Variants in HAPLN1 observed in about 807,000 individuals in gnomAD.
HAPLN1 encodes the protein hyaluronan and proteoglycan link protein 1, also known as Cartilage link protein.
In HAPLN1, 13 loss-of-function variants were observed where a neutral mutation model predicts 36.5. The ratio of observed to expected loss-of-function variants is 0.36; its 90% CI spans 0.23 to 0.57. HAPLN1 has a LOEUF of 0.57. Ranked by LOEUF, HAPLN1 falls within the 20% of genes least tolerant of loss-of-function variation. The pLI is 0.83. For missense variants in HAPLN1, 407 were observed against 439.7 expected (o/e 0.93, Z 0.66); for synonymous variants, 202 against 169.8 (o/e 1.19, Z -1.48).
intron 1 of HAPLN1, among the ~76,000 whole-genome samples, chr5:83,693,238 G>C (rs1242811503): frequency 6.6e-6 from 1 of 151,796 alleles, no homozygotes; most frequent in East Asian, 1.9e-4. Context: ...ATATGAGCAG[G>C]ACTACTGTAG....
chr5:83,693,349 C>T (rs546074087), intron 1 of HAPLN1, among the ~76,000 whole-genome samples: 14 of 151,488 alleles, frequency 9.2e-5, no homozygotes, highest in African/African-American at 3.1e-4. Flanking sequence ...ACTAATAAAC[C>T]GACAAAGGAG....
At chr5:83,681,721 G>A (rs10069485) in intron 1 of HAPLN1, among the ~76,000 whole-genome samples, 42,799 of 151,822 alleles carry the variant, frequency 0.28, 6,618 homozygotes, top group East Asian at 0.41. Flanking sequence ...ATTTGCCCAC[G>A]CTATACATCA....
intron 1 of HAPLN1, among the ~76,000 whole-genome samples, chr5:83,697,449 G>A (rs544086009): frequency 2.6e-5 from 4 of 152,184 alleles, no homozygotes; most frequent in African/African-American, 9.6e-5. Flanking sequence ...TCAGTTGATG[G>A]ACAATTGAGT....
At chr5:83,665,301 T>C (rs1039026709) in intron 2 of HAPLN1, among the ~76,000 whole-genome samples, 4 of 152,202 alleles carry the variant, frequency 2.6e-5, no homozygotes, top group Non-Finnish European at 4.4e-5. Flanking sequence ...AAAGAAAATA[T>C]ATTCGTGTCA....
intron 1 of HAPLN1, among the ~76,000 whole-genome samples, chr5:83,675,584 A>G (rs1750840829): frequency 6.6e-6 from 1 of 152,200 alleles, no homozygotes; most frequent in South Asian, 2.1e-4. Flanking sequence ...ACATCTATCT[A>G]TGTATCTCCT....
intron 4 of HAPLN1, among the ~76,000 whole-genome samples, chr5:83,642,224 G>A (rs1749723164): frequency 6.6e-6 from 1 of 151,948 alleles, no homozygotes. Flanking sequence ...TGACATAAAA[G>A]TCCATTTAAA....
chr5:83,665,711 G>A (rs1169948320), intron 2 of HAPLN1, among the ~76,000 whole-genome samples: 2 of 152,072 alleles, frequency 1.3e-5, no homozygotes, highest in African/African-American at 4.8e-5. Context: ...CAAAATGTCT[G>A]TTTTTCTTTT....
chr5:83,647,000 A>G lies in HAPLN1; in HGVS notation c.473-2335T>C, dbSNP rs564701331. Among the ~76,000 whole-genome samples, 6 of 152,368 alleles carry G rather than the reference A, an allele frequency of 3.9e-5. No individual in the cohort carries two copies. In the East Asian group the frequency reaches 9.6e-4, roughly 25 times the overall value. On this transcript the variant is annotated intron_variant, in intron 3 of 4. Transcript: ENST00000274341. The stretch of plus-strand genomic sequence containing the variant: ...TTCCAAAATGGCTGAAGATGGTAAC[A>G]TTGGAGAATGCAGAATATTTTAATT...
At chr5:83,712,990 C>T (rs1052156257) in intron 1 of HAPLN1, among the ~76,000 whole-genome samples, 12 of 151,282 alleles carry the variant, frequency 7.9e-5, no homozygotes, top group East Asian at 3.9e-4. Flanking sequence ...AATTAGAAAA[C>T]GAATTATAAA....
At chr5:83,669,147 T>C (rs1306368747) in intron 2 of HAPLN1, among the ~76,000 whole-genome samples, 1 of 152,198 alleles carries the variant, frequency 6.6e-6, no homozygotes, top group Non-Finnish European at 1.5e-5. Flanking sequence ...GGGAAAATAT[T>C]ACTTATGTTT....
intron 2 of HAPLN1, among the ~76,000 whole-genome samples, chr5:83,669,320 A>T (rs1277596055): frequency 2.0e-5 from 3 of 152,020 alleles, no homozygotes; most frequent in Non-Finnish European, 4.4e-5. Context: ...CCAACATTGC[A>T]AAACCCCGCT....
intron 1 of HAPLN1, among the ~76,000 whole-genome samples, chr5:83,687,609 A>G (rs2112615937): frequency 6.6e-6 from 1 of 152,344 alleles, no homozygotes; most frequent in Non-Finnish European, 1.5e-5. Flanking sequence ...TTTGCTAATT[A>G]AAATGCAACT....
At chr5:83,699,426 C>G (rs1751458421) in intron 1 of HAPLN1, among the ~76,000 whole-genome samples, 1 of 152,154 alleles carries the variant, frequency 6.6e-6, no homozygotes. Context: ...TTACTTCTAG[C>G]AGAAATCTTG....
intron 1 of HAPLN1, among the ~76,000 whole-genome samples, chr5:83,681,417 G>T (rs540964675): frequency 3.7e-4 from 57 of 152,218 alleles, no homozygotes; most frequent in Admixed American, 1.2e-3. Context: ...CTATCTCATT[G>T]TTTCTTATCA....
chr5:83,683,326 T>C (rs979029676), intron 1 of HAPLN1, among the ~76,000 whole-genome samples: 2 of 152,194 alleles, frequency 1.3e-5, no homozygotes, highest in Non-Finnish European at 2.9e-5. Context: ...AATGTGATCA[T>C]GTTTTTGTGA....
At chr5:83,681,510 T>G (rs1401118950) in intron 1 of HAPLN1, among the ~76,000 whole-genome samples, 2 of 152,038 alleles carry the variant, frequency 1.3e-5, no homozygotes, top group Non-Finnish European at 2.9e-5. Flanking sequence ...TTTAATTAAT[T>G]AATTAATGAA....
In HAPLN1 at chr5:83,644,574, G is replaced by A. The variant is rs113269048; in HGVS notation, c.564C>T (p.Ile188=). 7.3e-5 allele frequency: 117 copies of A among 1,595,518 alleles called. No homozygotes were observed. The African/African-American group carries it at 8.1e-4, about 11-fold the overall frequency. The part of the protein sequence containing the change: ...QQACLDQDAV[I]ASFDQLYDAW... ...CGTCGTACAGCTGGTCGAAGGAGGC[G>A]ATCACAGCATCCTGGTCCAGACACG... is the stretch of plus-strand genomic sequence containing the variant. The change falls in exon 4 of 5, where the codon ATC becomes ATT. Residue 188 remains isoleucine (I), a synonymous_variant. Transcript: ENST00000274341.
intron 2 of HAPLN1, among the ~76,000 whole-genome samples, chr5:83,665,450 AAAGCAGGGAGGG>A (rs1183298357): frequency 2.0e-5 from 3 of 152,206 alleles, no homozygotes. Flanking sequence ...GGAACAAGCT[AAAGCAGGGAGGG>A]AAGCAGCATT....
chr5:83,654,711 T>G (rs1159761551), intron 2 of HAPLN1, among the ~76,000 whole-genome samples: 1 of 152,198 alleles, frequency 6.6e-6, no homozygotes, highest in African/African-American at 2.4e-5. Context: ...TTCTTTCAGT[T>G]GTTTAGTTCA....
Sources: allele counts gnomAD v4.1 joint callset (sites outside exome capture counted in the v4.1 genomes callset), GRCh38; gene constraint gnomAD v4.1.1; transcripts MANE v1.5; gene names NCBI Gene and HGNC (gene_info 2026-07-23, HGNC 2026-07-21).